The following SESTD1 variants were observed in gnomAD, a reference collection of about 807,000 sequenced individuals.
The protein encoded by SESTD1 is SEC14 and spectrin domain containing 1.
SESTD1 carries 43 observed loss-of-function variants against 101.7 expected under a neutral mutation model. The observed-to-expected ratio is 0.42, with a 90% CI of 0.33 to 0.55. SESTD1 has a LOEUF of 0.55. Among genes scored for constraint, SESTD1 ranks in the 20% least tolerant of loss-of-function variants. The pLI is 0.07. For synonymous variants in SESTD1, 283 were observed against 286.8 expected, an observed-to-expected ratio of 0.99 and a Z score of 0.13; for missense variants, 647 against 815.1, an observed-to-expected ratio of 0.79 and a Z score of 2.51.
At chr2:179,258,368 C>G (rs528560264) in intron 1 of SESTD1, among the ~76,000 whole-genome samples, 1 of 152,308 alleles carries the variant, frequency 6.6e-6, no homozygotes, top group South Asian at 2.1e-4. Context: ...TCATACATCC[C>G]TAGCACAAAG....
At chr2:179,178,651 G>A (rs1028375741) in intron 3 of SESTD1, among the ~76,000 whole-genome samples, 2 of 152,058 alleles carry the variant, frequency 1.3e-5, no homozygotes, top group African/African-American at 2.4e-5. Flanking sequence ...GCTGTTGAGC[G>A]GTCTGGAGTA....
At chr2:179,210,122 C>T (rs7580114) in intron 1 of SESTD1, among the ~76,000 whole-genome samples, 17,066 of 132,050 alleles carry the variant, frequency 0.13, 6,227 homozygotes, top group African/African-American at 0.49. Flanking sequence ...ATATACAACC[C>T]TCCTAGATTA....
In SESTD1 at chr2:179,216,399, A is replaced by G. The variant is rs1323836821; in HGVS notation, c.-25-24533T>C. Among the ~76,000 whole-genome samples the G allele has an allele frequency of 1.5e-5, 2 of 134,878 alleles. 1 individual carries two copies. The highest frequency in any genetic ancestry group is 3.2e-5 in the Non-Finnish European group (2 of 62,868). 88.5% of individuals were successfully genotyped at this position (134,878 alleles called of 152,430 possible). A position where few individuals can be genotyped will look rare whatever the true frequency, so the allele number is the denominator to read the frequency against. ...CATTCACAATTGCTTCAGAGAATAAAATACCTAGGAATCCAACTTACAACG... is the reference window on the plus strand; with the variant it reads ...CATTCACAATTGCTTCAGAGAATAAGATACCTAGGAATCCAACTTACAACG... On this transcript the variant is annotated intron_variant, in intron 1 of 17. Coordinates refer to ENST00000428443, the MANE Select transcript of SESTD1 (RefSeq NM_178123.5).
chr2:179,181,634 G>C (rs2046112270), intron 3 of SESTD1, among the ~76,000 whole-genome samples: 1 of 152,122 alleles, frequency 6.6e-6, no homozygotes, highest in Non-Finnish European at 1.5e-5. Flanking sequence ...CGACTCACTA[G>C]GTGTGAGATC....
chr2:179,160,774 G>A (rs2045720458), intron 5 of SESTD1, among the ~76,000 whole-genome samples: 1 of 151,616 alleles, frequency 6.6e-6, no homozygotes, highest in Non-Finnish European at 1.5e-5. Context: ...TCCCAGTTAT[G>A]AAAATCTCAT....
intron 1 of SESTD1, among the ~76,000 whole-genome samples, chr2:179,234,382 A>ATT (rs1472773088): frequency 6.6e-6 from 1 of 152,226 alleles, no homozygotes; most frequent in Admixed American, 6.5e-5. Flanking sequence ...TCTAAATAAC[A>ATT]TTCACACTAA....
At chr2:179,180,972 C>G (rs1247164679) in intron 3 of SESTD1, among the ~76,000 whole-genome samples, 1 of 152,138 alleles carries the variant, frequency 6.6e-6, no homozygotes, top group East Asian at 1.9e-4. Flanking sequence ...GCAAAACAAT[C>G]ATAAGAAATA....
chr2:179,113,635 GATTTA>G (rs1320816472), intron 16 of SESTD1, among the ~76,000 whole-genome samples: 1 of 152,012 alleles, frequency 6.6e-6, no homozygotes, highest in Non-Finnish European at 1.5e-5. Context: ...TAAAACTCAA[GATTTA>G]ATTTAGATAT....
At chr2:179,181,045 C>G (rs2046098472) in intron 3 of SESTD1, among the ~76,000 whole-genome samples, 1 of 152,164 alleles carries the variant, frequency 6.6e-6, no homozygotes, top group Non-Finnish European at 1.5e-5. Flanking sequence ...TCAACTTACA[C>G]CTTCTCTGCT....
chr2:179,146,628 G>A (rs1375484164), intron 7 of SESTD1, among the ~76,000 whole-genome samples, 171 bp from the exon 8 acceptor site: 1 of 152,214 alleles, frequency 6.6e-6, no homozygotes, highest in African/African-American at 2.4e-5. Flanking sequence ...ATTAGGAAAA[G>A]TAAATACTAG....
chr2:179,118,288 G>A (rs192025824), intron 13 of SESTD1, among the ~76,000 whole-genome samples: 4 of 152,274 alleles, frequency 2.6e-5, no homozygotes, highest in East Asian at 1.9e-4. Context: ...TCTGGGTGTA[G>A]AGAAACACAA....
At chr2:179,246,884 T>C (rs1020342402) in intron 1 of SESTD1, among the ~76,000 whole-genome samples, 2 of 152,218 alleles carry the variant, frequency 1.3e-5, no homozygotes, top group Non-Finnish European at 2.9e-5. Context: ...AGTAGGTTAA[T>C]GGTAAAAACT....
At chr2:179,184,343 T>C (rs1175624927) in intron 2 of SESTD1, among the ~76,000 whole-genome samples, 7 of 152,050 alleles carry the variant, frequency 4.6e-5, no homozygotes, top group Admixed American at 4.6e-4. Context: ...CACTAAAAAC[T>C]GAAAGGTGTG....
intron 5 of SESTD1, among the ~76,000 whole-genome samples, chr2:179,168,758 T>A (rs1297644178): frequency 2.0e-5 from 3 of 152,156 alleles, no homozygotes; most frequent in Non-Finnish European, 4.4e-5. Flanking sequence ...TAATTTAAAA[T>A]TTTTAATTGC....
chr2:179,203,542 G>A lies in SESTD1; in HGVS notation c.-25-11676C>T, dbSNP rs557257827. Among the ~76,000 whole-genome samples, 11 of 134,314 alleles carry A rather than the reference G, an allele frequency of 8.2e-5. 3 individuals are homozygous for A. The highest frequency in any genetic ancestry group is 1.2e-4 in the African/African-American group (4 of 33,844). The allele number at this position is 134,314 out of a possible 152,430, so 88.1% of individuals were successfully genotyped here. On this transcript the variant is annotated intron_variant, in intron 1 of 17. Coordinates refer to ENST00000428443, the MANE Select transcript of SESTD1 (RefSeq NM_178123.5). ...GGAAGGTCCCCATGCCTCCTCCCCC[G>A]ATACCTTGCATTAAACATCTCTTCT...
intron 1 of SESTD1, among the ~76,000 whole-genome samples, chr2:179,255,706 T>C (rs900162626): frequency 2.0e-4 from 30 of 152,212 alleles, no homozygotes; most frequent in South Asian, 2.1e-4. Context: ...TTGATGAAGG[T>C]GGCTACATTA....
Position 179,207,002 on chromosome 2 carries a change from T to C in SESTD1, c.-25-15136A>G, listed in dbSNP as rs2046599128. ...ATAATCACCCTGGAACATAACTCCA[T>C]TGGCCTGAGAACCACCCACCATCCC... On this transcript the variant is annotated intron_variant, in intron 1 of 17. Coordinates refer to ENST00000428443, the MANE Select transcript of SESTD1 (RefSeq NM_178123.5). Among the ~76,000 whole-genome samples the C allele has an allele frequency of 1.5e-5, 2 of 133,238 alleles. 1 individual carries two copies. Among genetic ancestry groups the C allele is most frequent in the South Asian group, 5.8e-4 (2 of 3,454 alleles). 87.4% of individuals were successfully genotyped at this position (133,238 alleles called of 152,430 possible).
intron 1 of SESTD1, among the ~76,000 whole-genome samples, chr2:179,249,462 T>C (rs2047282719): frequency 6.6e-6 from 1 of 152,116 alleles, no homozygotes; most frequent in Non-Finnish European, 1.5e-5. Context: ...TAACAAAACA[T>C]GTATAATACT....
intron 8 of SESTD1, among the ~76,000 whole-genome samples, chr2:179,144,369 T>C (rs1212921749): frequency 2.0e-5 from 3 of 152,056 alleles, no homozygotes; most frequent in Non-Finnish European, 4.4e-5. Flanking sequence ...TACAAAATAA[T>C]ATTTATATAA....
Sources: gnomAD v4.1 joint callset for allele counts (sites outside exome capture counted in the v4.1 genomes callset) on GRCh38, gnomAD v4.1.1 for gene constraint, MANE v1.5 for transcripts, NCBI Gene and HGNC (gene_info 2026-07-23, HGNC 2026-07-21) for gene names.